CES5A: variants seen among roughly 807,000 people sequenced by gnomAD.
The protein encoded by CES5A is carboxylesterase 5.
CES5A carries 67 observed loss-of-function variants against 62.9 expected under a neutral mutation model. That is an observed-to-expected ratio of 1.07 (90% CI 0.88 to 1.31). CES5A has a LOEUF of 1.31. Ranked by LOEUF, CES5A falls within the 50% of genes most tolerant of loss-of-function variation. The pLI, the probability that CES5A is intolerant of heterozygous loss-of-function variation, is 0.00. For missense variants in CES5A, 748 were observed against 708.5 expected (o/e 1.06, Z -0.63); for synonymous variants, 296 against 280.8 (o/e 1.05, Z -0.54).
At chr16:55,882,180 G>A (rs538464048) in intron 1 of CES5A, among the ~76,000 whole-genome samples, 1 of 152,244 alleles carries the variant, frequency 6.6e-6, no homozygotes, top group African/African-American at 2.4e-5. Context: ...GGTCCTTCAA[G>A]AGAGGACTAT....
intron 1 of CES5A, among the ~76,000 whole-genome samples, chr16:55,894,212 C>T (rs1567344028): frequency 6.6e-6 from 1 of 151,954 alleles, no homozygotes; most frequent in East Asian, 1.9e-4. Context: ...CAGACCCACA[C>T]TGTAAGGAAT....
At chr16:55,857,071 T>G (rs2142391592) in intron 8 of CES5A, among the ~76,000 whole-genome samples, 1 of 152,326 alleles carries the variant, frequency 6.6e-6, no homozygotes, top group South Asian at 2.1e-4. Flanking sequence ...AACTGGTGTT[T>G]GTTGTTCTCC....
At chr16:55,927,770 A>G (rs1312926958), upstream of CES5A, among the ~76,000 whole-genome samples, 2 of 152,182 alleles carry the variant, frequency 1.3e-5, no homozygotes, top group South Asian at 2.1e-4. Context: ...CCATTACTGG[A>G]TATTTACCCA....
At chr16:55,936,904 T>C (rs2034382533) in intron 2 of CES5A, among the ~76,000 whole-genome samples, 2 of 152,112 alleles carry the variant, frequency 1.3e-5, no homozygotes, top group South Asian at 4.2e-4. Context: ...CCTTAAACAA[T>C]TTAATCCTGA....
At chr16:55,902,960 GGAAA>G (rs1372516067) in intron 1 of CES5A, among the ~76,000 whole-genome samples, 1 of 151,982 alleles carries the variant, frequency 6.6e-6, no homozygotes, top group Admixed American at 6.6e-5. Flanking sequence ...GAGAGAGAGA[GGAAA>G]GAAAGACAGA....
rs1301289509 is a variant in CES5A at position 55,867,477 on chromosome 16, A to G, written c.552-1361T>C. ...CCTGGGGCACATTCTACTCCCCTCCATTTTCCAGTTCTCCAGACTGCTCCT... is the reference window on the plus strand; with the variant it reads ...CCTGGGGCACATTCTACTCCCCTCCGTTTTCCAGTTCTCCAGACTGCTCCT... On this transcript the variant is annotated intron_variant, in intron 4 of 12. Coordinates refer to ENST00000290567, the MANE Select transcript of CES5A (RefSeq NM_001143685.2). Among the ~76,000 whole-genome samples the G allele has an allele frequency of 2.0e-5, 3 of 151,816 alleles. No individual in the cohort carries two copies. In the East Asian group the frequency reaches 5.8e-4, roughly 29 times the overall value.
At chr16:55,905,396 T>TCGCTCTGTCA (rs1330338593) in intron 1 of CES5A, among the ~76,000 whole-genome samples, 1 of 151,170 alleles carries the variant, frequency 6.6e-6, no homozygotes, top group East Asian at 1.9e-4. Flanking sequence ...AGATGGAGTC[T>TCGCTCTGTCA]CGCTCTGTCA....
At chr16:55,869,518 G>T in intron 4 of CES5A, 93 bp downstream of exon 4, 4 of 1,463,108 alleles carry the variant, frequency 2.7e-6, no homozygotes, top group Non-Finnish European at 3.6e-6. Flanking sequence ...GTCCCGGAAG[G>T]CTCGCTCCTT....
intron 1 of CES5A, among the ~76,000 whole-genome samples, chr16:55,921,738 T>C (rs1351113988): frequency 6.6e-6 from 1 of 151,368 alleles, no homozygotes; most frequent in South Asian, 2.1e-4. Context: ...TCTAATACTG[T>C]AATTATGGTG....
intron 1 of CES5A, among the ~76,000 whole-genome samples, chr16:55,909,004 A>C (rs1320647873): frequency 6.6e-6 from 1 of 152,252 alleles, no homozygotes; most frequent in African/African-American, 2.4e-5. Context: ...TAAAAGAATA[A>C]AATGCAGAGA....
intron 2 of CES5A, among the ~76,000 whole-genome samples, chr16:55,936,427 C>G (rs1038010341): frequency 6.6e-6 from 1 of 152,206 alleles, no homozygotes; most frequent in Admixed American, 6.5e-5. Context: ...CCTCCCACAC[C>G]CTTCTGGCCA....
At chr16:55,852,430 G>C (rs538605791) in intron 10 of CES5A, among the ~76,000 whole-genome samples, 1 of 152,306 alleles carries the variant, frequency 6.6e-6, no homozygotes, top group East Asian at 1.9e-4. Context: ...ATGTGCACTT[G>C]AGAAGAATGT....
At chr16:55,866,342 A>G (rs2033460043) in intron 4 of CES5A, among the ~76,000 whole-genome samples, 1 of 152,184 alleles carries the variant, frequency 6.6e-6, no homozygotes. Context: ...TGCACATTCA[A>G]TATTGTAGCT....
chr16:55,915,409 G>T (rs556608036), intron 1 of CES5A, among the ~76,000 whole-genome samples: 1 of 152,170 alleles, frequency 6.6e-6, no homozygotes, highest in African/African-American at 2.4e-5. Context: ...GCAGTGGAAG[G>T]GGGTGGAGAA....
intron 1 of CES5A, among the ~76,000 whole-genome samples, chr16:55,898,912 A>G (rs1597140712): frequency 1.3e-5 from 2 of 151,254 alleles, no homozygotes; most frequent in Admixed American, 6.6e-5. Context: ...TCTCTCAACC[A>G]CCTCATAATG....
upstream of CES5A, among the ~76,000 whole-genome samples, chr16:55,926,464 G>A (rs1597152836): frequency 6.6e-6 from 1 of 152,158 alleles, no homozygotes; most frequent in Non-Finnish European, 1.5e-5. Flanking sequence ...AGAACTGAGG[G>A]TTCTTGCAAT....
rs527834984 is a variant in CES5A at position 55,856,596 on chromosome 16, C to A, written c.1057-151G>T. Reference sequence around the variant, plus strand: ...CACATGTGGAAGTGGCCTCAGTGTGCTTGTCAGATAGTTAATTTCTTCTCA... The same window carrying A: ...CACATGTGGAAGTGGCCTCAGTGTGATTGTCAGATAGTTAATTTCTTCTCA... On this transcript the variant is annotated intron_variant, in intron 8 of 12. Coordinates refer to ENST00000290567, the MANE Select transcript of CES5A (RefSeq NM_001143685.2). The A allele has an allele frequency of 1.1e-4, 69 of 645,618 alleles. No homozygotes were observed. In the African/African-American group the frequency reaches 1.1e-3, roughly 10 times the overall value. The allele number at this position is 645,618 out of a possible 1,614,324, so 40.0% of individuals were successfully genotyped here.
upstream of CES5A, among the ~76,000 whole-genome samples, chr16:55,929,472 G>A (rs2034288255): frequency 6.6e-6 from 1 of 151,848 alleles, no homozygotes; most frequent in Non-Finnish European, 1.5e-5. Flanking sequence ...CCACCCCCAT[G>A]ACTCCCCACA....
intron 1 of CES5A, among the ~76,000 whole-genome samples, chr16:55,891,278 C>T (rs2033874733): frequency 6.6e-6 from 1 of 152,216 alleles, no homozygotes; most frequent in African/African-American, 2.4e-5. Context: ...TGTGTGCTCA[C>T]CATTGCTCCA....
Sources: gnomAD v4.1 joint callset for allele counts (sites outside exome capture counted in the v4.1 genomes callset) on GRCh38, gnomAD v4.1.1 for gene constraint, MANE v1.5 for transcripts, NCBI Gene and HGNC (gene_info 2026-07-23, HGNC 2026-07-21) for gene names.